Variants in CPNE4 observed in about 807,000 individuals in gnomAD.
CPNE4 encodes the protein copine-4.
CPNE4 carries 25 observed loss-of-function variants against 67.9 expected under a neutral mutation model. That is an observed-to-expected ratio of 0.37 (90% CI 0.27 to 0.51). CPNE4 has a LOEUF of 0.51. CPNE4 is among the 20% of genes least tolerant of loss of function. The pLI is 0.93. For missense variants in CPNE4, 464 were observed against 690.8 expected, an observed-to-expected ratio of 0.67 and a Z score of 3.68; for synonymous variants, 242 against 244.9, an observed-to-expected ratio of 0.99 and a Z score of 0.11.
chr3:132,010,480 T>C (rs2073730885), intron 1 of CPNE4, among the ~76,000 whole-genome samples: 1 of 152,162 alleles, frequency 6.6e-6, no homozygotes, highest in Non-Finnish European at 1.5e-5. Context: ...CCTTGACTCC[T>C]GCAATGTGAG....
intron 2 of CPNE4, among the ~76,000 whole-genome samples, chr3:131,883,972 CTCAGA>C (rs2087780142): frequency 7.2e-6 from 1 of 138,494 alleles, no homozygotes; most frequent in Non-Finnish European, 1.7e-5. Flanking sequence ...GCAGATATTC[CTCAGA>C]TAAGTTTTTC....
intron 7 of CPNE4, among the ~76,000 whole-genome samples, chr3:131,660,533 G>A (rs2080097295): frequency 2.0e-5 from 3 of 152,152 alleles, no homozygotes; most frequent in Admixed American, 2.0e-4. Context: ...TGTGGGTAGT[G>A]GCTACTCTTT....
intron 1 of CPNE4, among the ~76,000 whole-genome samples, chr3:132,022,775 A>G (rs989789309): frequency 5.9e-5 from 9 of 152,186 alleles, no homozygotes; most frequent in African/African-American, 2.2e-4. Context: ...GTTTGGTGTC[A>G]AAAAGACCAA....
intron 2 of CPNE4, among the ~76,000 whole-genome samples, chr3:131,893,449 C>T (rs902676002): frequency 6.6e-6 from 1 of 151,958 alleles, no homozygotes; most frequent in Non-Finnish European, 1.5e-5. Flanking sequence ...AAATATCAGA[C>T]TTCTACTGCA....
chr3:131,675,533 C>T (rs1038374494), intron 6 of CPNE4, among the ~76,000 whole-genome samples: 2 of 152,056 alleles, frequency 1.3e-5, no homozygotes, highest in Admixed American at 6.6e-5. Context: ...TATATTCTCT[C>T]GCTGAATTAA....
chr3:131,724,000 G>C (rs574673959), intron 2 of CPNE4, among the ~76,000 whole-genome samples: 29 of 152,202 alleles, frequency 1.9e-4, no homozygotes, highest in Admixed American at 1.2e-3. Context: ...GGTTTATGCA[G>C]GTGCATAAAT....
In CPNE4 at chr3:131,542,733, C is replaced by T; in HGVS notation, c.1363G>A (p.Glu455Lys). ...AGGTGGGAGGCATGGACAATGGCCT[C>T]CCGGGTGTCGGCCATGTCTGTGATA... ...GVITDMADTREAIVHASHLPM... is the reference protein window; with the variant it reads ...GVITDMADTRKAIVHASHLPM... The change falls in exon 15 of 16, where the codon GAG becomes AAG. Residue 455 changes from glutamate (E) to lysine (K), a missense_variant. Around this residue, in one of 6 missense-constraint regions of CPNE4, gnomAD observed 201 missense variants for 357.7 expected, o/e 0.56. Transcript: ENST00000429747. 1 of 1,614,008 alleles carries T rather than the reference C, an allele frequency of 6.2e-7. No individual in the cohort carries two copies. The highest frequency in any genetic ancestry group is 8.5e-7 in the Non-Finnish European group (1 of 1,179,978).
intron 7 of CPNE4, among the ~76,000 whole-genome samples, chr3:131,594,569 A>C (rs1938730965): frequency 6.6e-6 from 1 of 152,250 alleles, no homozygotes; most frequent in African/African-American, 2.4e-5. Context: ...AGACTGAAAC[A>C]TAAAACTTGA....
intron 2 of CPNE4, among the ~76,000 whole-genome samples, chr3:131,736,063 C>A (rs989553326): frequency 5.9e-5 from 9 of 152,168 alleles, no homozygotes; most frequent in African/African-American, 1.9e-4. Flanking sequence ...CCACAGGTCC[C>A]CCTGCCTTCT....
intron 2 of CPNE4, among the ~76,000 whole-genome samples, chr3:131,832,567 T>C (rs560715441): frequency 6.6e-6 from 1 of 152,204 alleles, no homozygotes; most frequent in Non-Finnish European, 1.5e-5. Flanking sequence ...CAGTATGGAC[T>C]TACTTGGGAT....
intron 11 of CPNE4, among the ~76,000 whole-genome samples, chr3:131,559,140 G>T (rs1317253525): frequency 6.6e-6 from 1 of 151,950 alleles, no homozygotes; most frequent in Non-Finnish European, 1.5e-5. Flanking sequence ...GCCAAGTTTT[G>T]CTTTAAATAA....
chr3:131,978,077 AAATATATAT>A (rs2072722722), intron 1 of CPNE4, among the ~76,000 whole-genome samples: 1 of 34,056 alleles, frequency 2.9e-5, no homozygotes, highest in Non-Finnish European at 4.9e-5. Flanking sequence ...AAATATATAT[AAATATATAT>A]AAATATATAT....
At chr3:131,950,000 G>A (rs967356210) in intron 1 of CPNE4, among the ~76,000 whole-genome samples, 1 of 152,050 alleles carries the variant, frequency 6.6e-6, no homozygotes, top group African/African-American at 2.4e-5. Flanking sequence ...ATCTTCTGGA[G>A]CATGTGTGAG....
chr3:131,704,319 G>A (rs915872890), intron 3 of CPNE4, among the ~76,000 whole-genome samples: 3 of 152,186 alleles, frequency 2.0e-5, no homozygotes, highest in Non-Finnish European at 2.9e-5. Context: ...ATGGAAGTGG[G>A]GAGGTAGTCA....
intron 7 of CPNE4, among the ~76,000 whole-genome samples, chr3:131,620,699 G>T (rs2107758543): frequency 6.6e-6 from 1 of 152,298 alleles, no homozygotes; most frequent in African/African-American, 2.4e-5. Context: ...AAGAATCAAA[G>T]AAAGAGATGC....
At chr3:131,548,921 G>T (rs1936021700) in intron 14 of CPNE4, among the ~76,000 whole-genome samples, 1 of 152,134 alleles carries the variant, frequency 6.6e-6, no homozygotes, top group Non-Finnish European at 1.5e-5. Flanking sequence ...AAAAGTTAAG[G>T]ACAGTAGCTA....
chr3:131,545,541 T>C (rs1935784655), intron 14 of CPNE4, among the ~76,000 whole-genome samples: 1 of 152,246 alleles, frequency 6.6e-6, no homozygotes, highest in Non-Finnish European at 1.5e-5. Flanking sequence ...TATTTTCCTG[T>C]TATATTACAG....
At chr3:131,931,913 A>G (rs1406661687) in intron 1 of CPNE4, among the ~76,000 whole-genome samples, 1 of 152,198 alleles carries the variant, frequency 6.6e-6, no homozygotes, top group Non-Finnish European at 1.5e-5. Flanking sequence ...AGAGAAAACA[A>G]TCTCCTTGGT....
At chr3:131,827,971 G>A (rs948889912) in intron 2 of CPNE4, among the ~76,000 whole-genome samples, 2 of 151,920 alleles carry the variant, frequency 1.3e-5, no homozygotes, top group African/African-American at 4.8e-5. Flanking sequence ...CTCTTCACGA[G>A]GTTCCTGCAA....
Sources: allele counts gnomAD v4.1 joint callset (sites outside exome capture counted in the v4.1 genomes callset), GRCh38; gene constraint gnomAD v4.1.1; regional missense constraint gnomAD v4.1.1; transcripts MANE v1.5; gene names NCBI Gene and HGNC (gene_info 2026-07-23, HGNC 2026-07-21).